The following SLC25A13 variants were observed in gnomAD, a reference collection of about 807,000 sequenced individuals.
SLC25A13 encodes electrogenic aspartate/glutamate antiporter SLC25A13, mitochondrial.
Under a neutral mutation model 85.5 loss-of-function variants are expected in SLC25A13, and 70 were observed. The ratio of observed to expected loss-of-function variants is 0.82; its 90% CI spans 0.68 to 1.00. The LOEUF is 1.00. Among genes scored for constraint, SLC25A13 ranks in the 50% least tolerant of loss-of-function variants. SLC25A13 has a pLI of 0.00. For missense variants in SLC25A13, 765 were observed against 819.8 expected, an observed-to-expected ratio of 0.93 and a Z score of 0.82; for synonymous variants, 259 against 288.7, an observed-to-expected ratio of 0.90 and a Z score of 1.04.
At chr7:96,293,823 C>T (rs958738262) in intron 2 of SLC25A13, among the ~76,000 whole-genome samples, 10 of 152,186 alleles carry the variant, frequency 6.6e-5, no homozygotes, top group Admixed American at 1.3e-4. Flanking sequence ...CACTTTTACA[C>T]TGTTGGTGGG....
chr7:96,145,386 G>C (rs904053952), intron 14 of SLC25A13, among the ~76,000 whole-genome samples: 1 of 152,096 alleles, frequency 6.6e-6, no homozygotes, highest in South Asian at 2.1e-4. Flanking sequence ...TGTTTACTGA[G>C]GTCACTTGCA....
At chr7:96,245,752 C>T (rs953774512) in intron 3 of SLC25A13, among the ~76,000 whole-genome samples, 15 of 151,990 alleles carry the variant, frequency 9.9e-5, no homozygotes, top group Admixed American at 5.9e-4. Flanking sequence ...TTTTAAATTA[C>T]GTATTGCCTT....
At chr7:96,272,968 T>C (rs1259256145) in intron 3 of SLC25A13, among the ~76,000 whole-genome samples, 1 of 152,144 alleles carries the variant, frequency 6.6e-6, no homozygotes, top group African/African-American at 2.4e-5. Flanking sequence ...TGACATATCA[T>C]CCCACAAATT....
intron 2 of SLC25A13, among the ~76,000 whole-genome samples, chr7:96,284,126 A>T (rs2116960229): frequency 6.6e-6 from 1 of 152,178 alleles, no homozygotes; most frequent in African/African-American, 2.4e-5. Context: ...ATAGAAGCAC[A>T]CTGAATTATA....
chr7:96,140,565 G>A (rs552582521), intron 14 of SLC25A13, among the ~76,000 whole-genome samples: 23 of 151,182 alleles, frequency 1.5e-4, no homozygotes, highest in Admixed American at 4.0e-4. Flanking sequence ...CACCATACCC[G>A]GCTAATTTTT....
chr7:96,151,098 G>C (rs1186810373), intron 13 of SLC25A13, among the ~76,000 whole-genome samples: 1 of 152,134 alleles, frequency 6.6e-6, no homozygotes, highest in Non-Finnish European at 1.5e-5. Context: ...GTGTGATTAG[G>C]ATTTTGGTAG....
intron 3 of SLC25A13, among the ~76,000 whole-genome samples, chr7:96,260,901 C>G (rs977672212): frequency 6.6e-6 from 1 of 152,110 alleles, no homozygotes; most frequent in Non-Finnish European, 1.5e-5. Context: ...ATGCTATTCC[C>G]ATGCTCAAAA....
intron 13 of SLC25A13, among the ~76,000 whole-genome samples, chr7:96,166,000 C>T (rs1793725953): frequency 6.6e-6 from 1 of 152,204 alleles, no homozygotes; most frequent in African/African-American, 2.4e-5. Context: ...TGGGAATCAC[C>T]ATTATGGTAG....
At chr7:96,185,953 C>A (rs1794627524) in intron 9 of SLC25A13, among the ~76,000 whole-genome samples, 1 of 152,038 alleles carries the variant, frequency 6.6e-6, no homozygotes, top group South Asian at 2.1e-4. Flanking sequence ...AATGAGACAT[C>A]ATTTTTCATC....
intron 5 of SLC25A13, among the ~76,000 whole-genome samples, chr7:96,194,089 G>A (rs947925494): frequency 4.6e-5 from 7 of 152,010 alleles, no homozygotes; most frequent in South Asian, 2.1e-4. Flanking sequence ...ACAACACTCT[G>A]CTCATTTCCC....
intron 3 of SLC25A13, among the ~76,000 whole-genome samples, chr7:96,236,335 G>C (rs539800877): frequency 5.9e-5 from 9 of 152,022 alleles, no homozygotes; most frequent in African/African-American, 1.9e-4. Context: ...AGGCAAGAAG[G>C]GGGGCAAATA....
intron 3 of SLC25A13, among the ~76,000 whole-genome samples, chr7:96,236,884 T>C (rs1584494461): frequency 2.6e-5 from 4 of 152,162 alleles, no homozygotes; most frequent in South Asian, 4.1e-4. Context: ...CTGAGGCTGG[T>C]TGGAACCAAC....
intron 4 of SLC25A13, among the ~76,000 whole-genome samples, chr7:96,212,435 T>A (rs1339744260): frequency 6.6e-6 from 1 of 152,154 alleles, no homozygotes; most frequent in African/African-American, 2.4e-5. Context: ...GTACACTGTA[T>A]CAGCACTAAA....
intron 3 of SLC25A13, among the ~76,000 whole-genome samples, chr7:96,263,598 C>T (rs1157251963): frequency 6.6e-6 from 1 of 152,122 alleles, no homozygotes; most frequent in African/African-American, 2.4e-5. Context: ...ACTCAGCATA[C>T]CTCTTGTTTC....
intron 11 of SLC25A13, among the ~76,000 whole-genome samples, chr7:96,181,062 TAAC>T (rs374391427): frequency 3.0e-3 from 453 of 152,076 alleles, no homozygotes; most frequent in Middle Eastern, 0.017. Flanking sequence ...TTTTCAGAAA[TAAC>T]AACAACAACA....
chr7:96,162,337 T>C (rs1793539986), intron 13 of SLC25A13, among the ~76,000 whole-genome samples: 1 of 152,332 alleles, frequency 6.6e-6, no homozygotes, highest in South Asian at 2.1e-4. Flanking sequence ...TTTGAGTATA[T>C]TTTATGACCA....
intron 13 of SLC25A13, among the ~76,000 whole-genome samples, chr7:96,148,518 G>A (rs1792895935): frequency 6.6e-6 from 1 of 152,086 alleles, no homozygotes; most frequent in Admixed American, 6.6e-5. Context: ...TGAGAGGCAC[G>A]GTAAGGATTT....
chr7:96,126,334 C>T (rs1405591194), intron 15 of SLC25A13, among the ~76,000 whole-genome samples: 2 of 152,118 alleles, frequency 1.3e-5, no homozygotes, highest in South Asian at 4.1e-4. Context: ...TTTTTTCCTG[C>T]ATCTGTGGTA....
chr7:96,164,154 T>C (rs987617838), intron 13 of SLC25A13, among the ~76,000 whole-genome samples: 3 of 152,196 alleles, frequency 2.0e-5, no homozygotes, highest in Non-Finnish European at 2.9e-5. Context: ...TGTGGCTAAA[T>C]TAATGTTGCA....
Sources: gnomAD v4.1 joint callset for allele counts (sites outside exome capture counted in the v4.1 genomes callset) on GRCh38, gnomAD v4.1.1 for gene constraint, MANE v1.5 for transcripts, NCBI Gene and HGNC (gene_info 2026-07-23, HGNC 2026-07-21) for gene names.